TMEM185A: variants seen among roughly 807,000 people sequenced by gnomAD.
TMEM185A encodes family with sequence similarity 11, member A.
In TMEM185A, 9 loss-of-function variants were observed where a neutral mutation model predicts 25.0. The ratio of observed to expected loss-of-function variants is 0.36; its 90% CI spans 0.22 to 0.63. The LOEUF (loss-of-function observed/expected upper bound fraction) is 0.63, where lower values mean the gene tolerates loss of function less well. Ranked by LOEUF, TMEM185A falls within the 20% of genes least tolerant of loss-of-function variation. The pLI, the probability that TMEM185A is intolerant of heterozygous loss-of-function variation, is 0.68. For synonymous variants in TMEM185A, 45 were observed against 93.5 expected (o/e 0.48, Z 2.99); for missense variants, 103 against 237.4 (o/e 0.43, Z 3.72).
At chrX:149,611,525 G>T (rs2090083567) in intron 1 of TMEM185A, 62 bp from the exon 2 acceptor site, 1 of 1,049,531 alleles carries the variant, frequency 9.5e-7, no homozygotes, top group Non-Finnish European at 1.3e-6. Flanking sequence ...TACTGAAATG[G>T]GGAGTAATAA....
intron 3 of TMEM185A, among the ~76,000 whole-genome samples, chrX:149,604,631 A>G (rs2090036471): frequency 9.1e-6 from 1 of 109,428 alleles, no homozygotes; most frequent in Non-Finnish European, 1.9e-5. Context: ...AGATAAACCC[A>G]CCCCATCCTT....
chrX:149,622,451 T>G (rs1557355584), intron 1 of TMEM185A, among the ~76,000 whole-genome samples: 1 of 110,841 alleles, frequency 9.0e-6, no homozygotes, highest in East Asian at 2.8e-4. Context: ...AACAGCAAGG[T>G]TATATGAAGA....
chrX:149,603,927 A>C (rs782051086), intron 4 of TMEM185A, 60 bp downstream of exon 4: 2 of 994,387 alleles, frequency 2.0e-6, no homozygotes, highest in Non-Finnish European at 2.8e-6. Flanking sequence ...TTGTACAGTG[A>C]ATATGAATTA....
At chrX:149,604,512 G>C (rs1169672296) in intron 3 of TMEM185A, among the ~76,000 whole-genome samples, 1 of 111,253 alleles carries the variant, frequency 9.0e-6, no homozygotes, top group Non-Finnish European at 1.9e-5. Flanking sequence ...GTCACATCAA[G>C]CCATCAACTG....
intron 1 of TMEM185A, 102 bp downstream of exon 1, chrX:149,631,441 G>A: frequency 2.0e-6 from 2 of 983,207 alleles, no homozygotes; most frequent in Non-Finnish European, 2.7e-6. Context: ...CCGGGTCCTC[G>A]GGCTGCAGCA....
chrX:149,611,179 C>T (rs1456454688), intron 2 of TMEM185A, 108 bp downstream of exon 2: 6 of 758,270 alleles, frequency 7.9e-6, no homozygotes, highest in African/African-American at 2.1e-5. Flanking sequence ...AGTTCTAAGA[C>T]CCCAGATAGG....
chrX:149,610,261 T>C (rs2090074937), intron 2 of TMEM185A, among the ~76,000 whole-genome samples: 2 of 107,527 alleles, frequency 1.9e-5, no homozygotes, highest in African/African-American at 6.8e-5. Context: ...ACCCTATCTC[T>C]ACTAAAAATA....
intron 1 of TMEM185A, among the ~76,000 whole-genome samples, chrX:149,619,609 G>A (rs947471548): frequency 5.5e-5 from 6 of 108,530 alleles, no homozygotes; most frequent in Non-Finnish European, 7.6e-5. Context: ...CCATTAACTC[G>A]TCACTTAGCA....
Position 149,631,545 on chromosome X carries a change from C to T in TMEM185A, c.36G>A (p.Pro12=), listed in dbSNP as rs1221216508. The part of the protein sequence containing the change: ...NLRGLFQDFN[P]SKFLIYACLL... Reference sequence around the variant, plus strand: ...GGGCGCCAACGACGCCGCCTCACCTCGGGTTGAAGTCCTGGAAGAGGCCCC... The same window carrying T: ...GGGCGCCAACGACGCCGCCTCACCTTGGGTTGAAGTCCTGGAAGAGGCCCC... Residue 12 remains proline (P), a splice_region_variant and synonymous_variant, in exon 1 of 7, where the codon CCG becomes CCA. Coordinates refer to ENST00000600449, the MANE Select transcript of TMEM185A (RefSeq NM_032508.4). 6.9e-6 allele frequency: 8 copies of T among 1,167,080 alleles called. No homozygotes were observed. The highest frequency in any genetic ancestry group is 8.0e-6 in the Non-Finnish European group (7 of 873,418).
intron 1 of TMEM185A, among the ~76,000 whole-genome samples, chrX:149,616,296 A>G (rs1487144626): frequency 2.7e-5 from 3 of 112,301 alleles, no homozygotes; most frequent in African/African-American, 9.7e-5. Context: ...GTAACAAACT[A>G]CCACAAAATT....
At chrX:149,603,049 C>T (rs959775460) in intron 4 of TMEM185A, among the ~76,000 whole-genome samples, 6 of 112,062 alleles carry the variant, frequency 5.4e-5, no homozygotes, top group Admixed American at 3.8e-4. Flanking sequence ...AAAACACTAG[C>T]ATGACCTTAC....
At chrX:149,608,894 A>G (rs782519966) in intron 2 of TMEM185A, 60 bp from the exon 3 acceptor site, 39 of 1,000,673 alleles carry the variant, frequency 3.9e-5, no homozygotes, top group Non-Finnish European at 5.4e-5. Flanking sequence ...ATAAGCAAGC[A>G]GTTCAGGGCA....
At chrX:149,606,976 G>C (rs1473835796) in intron 3 of TMEM185A, among the ~76,000 whole-genome samples, 1 of 111,509 alleles carries the variant, frequency 9.0e-6, no homozygotes, top group Non-Finnish European at 1.9e-5. Context: ...GGGAATTGTA[G>C]GGAGGGTGAA....
chrX:149,603,091 A>G (rs1557352688), intron 4 of TMEM185A, among the ~76,000 whole-genome samples: 1 of 111,893 alleles, frequency 8.9e-6, no homozygotes. Flanking sequence ...TTCTGCCTTT[A>G]GTCTCCATCT....
chrX:149,604,168 A>G, intron 3 of TMEM185A, 98 bp from the exon 4 acceptor site: 1 of 551,112 alleles, frequency 1.8e-6, no homozygotes, highest in South Asian at 3.4e-5. Context: ...ACATTATAAT[A>G]CAGTGTAACT....
At chrX:149,620,876 A>G (rs1048324254) in intron 1 of TMEM185A, among the ~76,000 whole-genome samples, 2 of 112,525 alleles carry the variant, frequency 1.8e-5, no homozygotes, top group Non-Finnish European at 3.7e-5. Flanking sequence ...TTGGACAAGA[A>G]GAGAGCCTGT....
chrX:149,629,251 A>T (rs782293613), intron 1 of TMEM185A, among the ~76,000 whole-genome samples: 9 of 111,759 alleles, frequency 8.1e-5, no homozygotes, highest in Non-Finnish European at 1.7e-4. Context: ...ACAGTGTGTG[A>T]CAAGGTCCTG....
chrX:149,631,735 T>TCGCCGCCGCCGCCGCCGCCGCCGCCGC lies in TMEM185A; in HGVS notation c.-182_-156dup. 62 of 327,491 alleles carry TCGCCGCCGCCGCCGCCGCCGCCGCCGC rather than the reference T, an allele frequency of 1.9e-4. 2 individuals carry two copies. Among genetic ancestry groups the TCGCCGCCGCCGCCGCCGCCGCCGCCGC allele is most frequent in the East Asian group, 6.1e-4 (8 of 13,152 alleles). 27.0% of individuals were successfully genotyped at this position (327,491 alleles called of 1,213,427 possible). ...GTCCCCGCTGCCGTCGCCGTCGCCG[T>TCGCCGCCGCCGCCGCCGCCGCCGCCGC]CGCCGCCGCCGCCGCCGCCGCCGCC... is the stretch of plus-strand genomic sequence containing the variant. On this transcript the variant is annotated 5_prime_UTR_variant, in exon 1 of 7. Coordinates refer to ENST00000600449, the MANE Select transcript of TMEM185A (RefSeq NM_032508.4).
chrX:149,618,918 G>T (rs1557355300), intron 1 of TMEM185A, among the ~76,000 whole-genome samples: 1 of 111,532 alleles, frequency 9.0e-6, no homozygotes, highest in African/African-American at 3.3e-5. Context: ...CATTGTTTTG[G>T]TTCAAGTATA....
Sources: gnomAD v4.1 joint callset for allele counts (sites outside exome capture counted in the v4.1 genomes callset) on GRCh38, gnomAD v4.1.1 for gene constraint, MANE v1.5 for transcripts, NCBI Gene and HGNC (gene_info 2026-07-23, HGNC 2026-07-21) for gene names.